Variants in GPC5 observed in about 807,000 individuals in gnomAD.
The protein encoded by GPC5 is glypican 5.
A neutral mutation model predicts 53.9 loss-of-function variants in GPC5; 47 were observed. The ratio of observed to expected loss-of-function variants is 0.87; its 90% CI spans 0.69 to 1.11. The LOEUF (loss-of-function observed/expected upper bound fraction) is 1.11, where lower values mean the gene tolerates loss of function less well. Among genes scored for constraint, GPC5 ranks in the 50% most tolerant of loss-of-function variants. The pLI is 0.00. For missense variants in GPC5, 748 were observed against 713.1 expected (o/e 1.05, Z -0.56); for synonymous variants, 286 against 263.3 (o/e 1.09, Z -0.84).
At chr13:92,460,697 T>TTGAACTCAGTCC (rs1181860763) in intron 7 of GPC5, among the ~76,000 whole-genome samples, 36 of 152,284 alleles carry the variant, frequency 2.4e-4, no homozygotes, top group African/African-American at 8.7e-4. Context: ...GAAGGTCAAG[T>TTGAACTCAGTCC]TGAACTCAGT....
At chr13:91,648,701 C>T (rs1170532704) in intron 2 of GPC5, among the ~76,000 whole-genome samples, 4 of 140,966 alleles carry the variant, frequency 2.8e-5, no homozygotes, top group Non-Finnish European at 4.4e-5. Flanking sequence ...CATACATACA[C>T]ATGCATGCAC....
At chr13:91,970,715 T>G (rs1385017973) in intron 6 of GPC5, among the ~76,000 whole-genome samples, 1 of 152,204 alleles carries the variant, frequency 6.6e-6, no homozygotes, top group Admixed American at 6.5e-5. Flanking sequence ...CTGCATCTAT[T>G]GAGATAATCA....
chr13:91,669,561 TA>T (rs1048721982), intron 2 of GPC5, among the ~76,000 whole-genome samples: 4 of 151,544 alleles, frequency 2.6e-5, no homozygotes, highest in African/African-American at 9.8e-5. Flanking sequence ...CAGGAAGAGC[TA>T]GGGAAATAGT....
At chr13:91,742,460 C>T (rs991844963) in intron 4 of GPC5, among the ~76,000 whole-genome samples, 2 of 152,078 alleles carry the variant, frequency 1.3e-5, no homozygotes, top group African/African-American at 4.8e-5. Context: ...AATTAATGGC[C>T]ATTTCATGAA....
Position 91,693,993 on chromosome 13 carries a change from T to C in GPC5, c.1020+112T>C, listed in dbSNP as rs577364184. The C allele has an allele frequency of 7.4e-6, 6 of 811,488 alleles. No individual in the cohort carries two copies. The African/African-American group carries it at 1.0e-4, about 14-fold the overall frequency. The allele number at this position is 811,488 out of a possible 1,614,324, so 50.3% of individuals were successfully genotyped here. A position where few individuals can be genotyped will look rare whatever the true frequency, so the allele number is the denominator to read the frequency against. ...GTCTGTTGATATATTCAATCCAAGA[T>C]ATTATTTTTTTATATCTTATGATAA... is the stretch of plus-strand genomic sequence containing the variant. On this transcript the variant is annotated intron_variant, in intron 3 of 7. Coordinates refer to ENST00000377067, the MANE Select transcript of GPC5 (RefSeq NM_004466.6).
intron 5 of GPC5, among the ~76,000 whole-genome samples, chr13:91,844,101 G>T (rs943546338): frequency 1.3e-5 from 2 of 152,156 alleles, no homozygotes; most frequent in African/African-American, 4.8e-5. Context: ...AAGGATAAGA[G>T]AATGGAACAG....
chr13:91,991,415 A>G (rs2040455353), intron 6 of GPC5, among the ~76,000 whole-genome samples: 1 of 152,226 alleles, frequency 6.6e-6, no homozygotes, highest in African/African-American at 2.4e-5. Flanking sequence ...TTTAAAATAT[A>G]TCTTATTTTC....
intron 7 of GPC5, among the ~76,000 whole-genome samples, chr13:92,590,735 G>C (rs548452997): frequency 6.6e-6 from 1 of 152,304 alleles, no homozygotes; most frequent in Non-Finnish European, 1.5e-5. Context: ...ACAGACACTT[G>C]AGTCGTCTAC....
chr13:92,292,523 ATTTTTTTTTCTTG>A (rs972938935), intron 7 of GPC5, among the ~76,000 whole-genome samples: 13 of 150,220 alleles, frequency 8.7e-5, no homozygotes, highest in African/African-American at 2.9e-4. Context: ...TTTTGATGGG[ATTTTTTTTTCTTG>A]TTGATTTGAG....
intron 2 of GPC5, among the ~76,000 whole-genome samples, chr13:91,503,622 A>G (rs944225322): frequency 1.3e-5 from 2 of 151,532 alleles, no homozygotes; most frequent in African/African-American, 2.4e-5. Flanking sequence ...TCTATTAATA[A>G]TATAAAAATT....
At chr13:92,775,256 T>C (rs1041383057) in intron 7 of GPC5, among the ~76,000 whole-genome samples, 9 of 152,186 alleles carry the variant, frequency 5.9e-5, no homozygotes, top group African/African-American at 1.7e-4. Flanking sequence ...CAGAAGAGAA[T>C]GAAAAACACG....
At chr13:92,631,317 T>C (rs1169070347) in intron 7 of GPC5, among the ~76,000 whole-genome samples, 3 of 152,148 alleles carry the variant, frequency 2.0e-5, no homozygotes, top group Non-Finnish European at 2.9e-5. Context: ...TACTTCCCAT[T>C]TACTCTTTGC....
At chr13:91,578,179 C>A (rs2032209810) in intron 2 of GPC5, among the ~76,000 whole-genome samples, 1 of 152,186 alleles carries the variant, frequency 6.6e-6, no homozygotes, top group South Asian at 2.1e-4. Flanking sequence ...TGCAAGTGAG[C>A]CTTCTTGGAA....
intron 7 of GPC5, among the ~76,000 whole-genome samples, chr13:92,192,051 G>A (rs2042226290): frequency 1.3e-5 from 2 of 152,180 alleles, no homozygotes; most frequent in Admixed American, 1.3e-4. Flanking sequence ...TATGGTGACA[G>A]TGAAAAAATT....
intron 6 of GPC5, among the ~76,000 whole-genome samples, chr13:91,956,722 A>C (rs1310952639): frequency 6.6e-6 from 1 of 152,202 alleles, no homozygotes; most frequent in East Asian, 1.9e-4. Context: ...TTTACAGCTG[A>C]AGAAATCATA....
At chr13:92,584,395 C>A (rs1349804325) in intron 7 of GPC5, among the ~76,000 whole-genome samples, 1 of 152,120 alleles carries the variant, frequency 6.6e-6, no homozygotes, top group Non-Finnish European at 1.5e-5. Context: ...GATTTTGCCC[C>A]TGCCCTAGAG....
At chr13:91,703,136 T>G (rs1386293637) in intron 3 of GPC5, among the ~76,000 whole-genome samples, 1 of 152,158 alleles carries the variant, frequency 6.6e-6, no homozygotes, top group East Asian at 1.9e-4. Flanking sequence ...GCAATTTAAC[T>G]GTTTCCCTTT....
chr13:92,442,276 G>C (rs1485088179), intron 7 of GPC5, among the ~76,000 whole-genome samples: 1 of 152,040 alleles, frequency 6.6e-6, no homozygotes, highest in Non-Finnish European at 1.5e-5. Context: ...TCCTCATTAG[G>C]TTATCTCACT....
rs2040042582 is a variant in GPC5, at chr13:91,953,121, TGA to T, written c.1401+45065_1401+45066del. On this transcript the variant is annotated intron_variant, in intron 6 of 7. Transcript: ENST00000377067. ...ATGAGGAAAATTAAATGCTCGAAGT[TGA>T]TGTCAAGATTTATGGCTTACATGGC... 5.3e-5 allele frequency among the ~76,000 whole-genome samples: 8 copies of T among 152,294 alleles called. No individual in the cohort carries two copies. In the South Asian group the frequency reaches 1.7e-3, roughly 32 times the overall value.
Sources: gnomAD v4.1 joint callset for allele counts (sites outside exome capture counted in the v4.1 genomes callset) on GRCh38, gnomAD v4.1.1 for gene constraint, MANE v1.5 for transcripts, NCBI Gene and HGNC (gene_info 2026-07-23, HGNC 2026-07-21) for gene names.